Variants in SHCBP1L observed in about 807,000 individuals in gnomAD.
SHCBP1L encodes the protein SHC binding and spindle associated 1 like.
In SHCBP1L, 67 loss-of-function variants were observed where a neutral mutation model predicts 62.5. The observed-to-expected ratio is 1.07, with a 90% CI of 0.88 to 1.31. SHCBP1L has a LOEUF of 1.31. Among genes scored for constraint, SHCBP1L ranks in the 40% most tolerant of loss-of-function variants. The pLI is 0.00. For missense variants in SHCBP1L, 823 were observed against 809.8 expected, an observed-to-expected ratio of 1.02 and a Z score of -0.20; for synonymous variants, 284 against 289.4, an observed-to-expected ratio of 0.98 and a Z score of 0.19.
chr1:182,903,010 C>G (rs1270037179), intron 9 of SHCBP1L, 29 bp downstream of exon 9: 1 of 1,523,220 alleles, frequency 6.6e-7, no homozygotes, highest in Non-Finnish European at 8.8e-7. Context: ...ATTCTTATAA[C>G]AATGCTACAT....
chr1:182,899,890 G>T lies in SHCBP1L; in HGVS notation c.*93C>A. 2 of 1,048,726 alleles carry T rather than the reference G, an allele frequency of 1.9e-6. No homozygotes were observed. Among genetic ancestry groups the T allele is most frequent in the Non-Finnish European group, 1.3e-6 (1 of 753,712 alleles). The allele number at this position is 1,048,726 out of a possible 1,614,324, so 65.0% of individuals were successfully genotyped here. ...TGATATTTAAATATTTTTTAATTAA[G>T]CTTTGAATTGAAACTACCATTTCAG... On this transcript the variant is annotated 3_prime_UTR_variant, in exon 10 of 10. Coordinates refer to ENST00000367547, the MANE Select transcript of SHCBP1L (RefSeq NM_030933.4).
Position 182,903,037 on chromosome 1 carries a change from A to C in SHCBP1L, c.1710+2T>G. On this transcript the variant is annotated splice_donor_variant, in intron 9 of 9. Coordinates refer to ENST00000367547, the MANE Select transcript of SHCBP1L (RefSeq NM_030933.4). LOFTEE classifies it high-confidence loss of function. ...ATGCTACATCAAGAAATAAGAGAAT[A>C]CCTTCATATTAACTCCACCTAAGGT... The C allele has an allele frequency of 6.4e-7, 1 of 1,573,320 alleles. No homozygotes were observed. Among genetic ancestry groups the C allele is most frequent in the Non-Finnish European group, 8.6e-7 (1 of 1,161,606 alleles).
intron 2 of SHCBP1L, among the ~76,000 whole-genome samples, chr1:182,947,284 A>G (rs1396082771): frequency 6.6e-6 from 1 of 151,984 alleles, no homozygotes; most frequent in Non-Finnish European, 1.5e-5. Flanking sequence ...TAACACCTAA[A>G]TCTTTTTCTG....
At chr1:182,942,465 G>C in intron 2 of SHCBP1L, 2 of 667,600 alleles carry the variant, frequency 3.0e-6, no homozygotes. Context: ...GAGCCTCCGC[G>C]AAACTGGGCT....
intron 6 of SHCBP1L, among the ~76,000 whole-genome samples, chr1:182,908,235 C>T (rs867003744): frequency 1.1e-4 from 16 of 151,388 alleles, no homozygotes; most frequent in Non-Finnish European, 1.6e-4. Context: ...GCATAGTACC[C>T]GATAGGTAGT....
intron 6 of SHCBP1L, among the ~76,000 whole-genome samples, chr1:182,922,398 C>T (rs1650554376): frequency 6.6e-6 from 1 of 151,660 alleles, no homozygotes; most frequent in Non-Finnish European, 1.5e-5. Context: ...ACTAAAAATA[C>T]AAAAAATTAG....
At chr1:182,930,009 A>G (rs1650906365) in intron 5 of SHCBP1L, among the ~76,000 whole-genome samples, 1 of 152,180 alleles carries the variant, frequency 6.6e-6, no homozygotes. Context: ...AACCCTCTGC[A>G]ACCATTGCCT....
chr1:182,934,264 G>T (rs922949302), intron 5 of SHCBP1L, among the ~76,000 whole-genome samples: 84 of 151,998 alleles, frequency 5.5e-4, no homozygotes, highest in Middle Eastern at 3.2e-3. Flanking sequence ...AGAAACTGCC[G>T]AACAGTGCTC....
chr1:182,916,237 A>G (rs1210596445), intron 6 of SHCBP1L, among the ~76,000 whole-genome samples: 1 of 152,232 alleles, frequency 6.6e-6, no homozygotes, highest in Non-Finnish European at 1.5e-5. Flanking sequence ...CAGAGCTCAG[A>G]GAGAAATTTA....
In SHCBP1L at chr1:182,904,280, A is replaced by G. The variant is rs756957684; in HGVS notation, c.1487T>C (p.Met496Thr). 1.9e-6 allele frequency: 3 copies of G among 1,614,036 alleles called. No homozygotes were observed. Among genetic ancestry groups the G allele is most frequent in the Non-Finnish European group, 1.7e-6 (2 of 1,180,024 alleles). Residue 496 changes from methionine (M) to threonine (T), a missense_variant, in exon 8 of 10, where the codon ATG (methionine) becomes ACG (threonine). By Grantham distance (81) the Met-to-Thr change is moderately conservative. Coordinates refer to ENST00000367547, the MANE Select transcript of SHCBP1L (RefSeq NM_030933.4). ...DGIVVVESGHMTLENCILKCE... is the reference protein window; with the variant it reads ...DGIVVVESGHTTLENCILKCE... ...TTTTAATATGCAGTTTTCTAGAGTC[A>G]TGTGACCAGACTCCACCACCACGAT...
rs1491508466 is a variant in SHCBP1L, at chr1:182,924,975, A to AAAGAAAGAAAG, written c.1182+4671_1182+4672insCTTTCTTTCTT. ...GAAAGAAAGAAAGAAAGAAAGAAAGAAAAAAAAAGGAAGAAGGAAAGGAAG... is the reference window on the plus strand; with the variant it reads ...GAAAGAAAGAAAGAAAGAAAGAAAGAAAGAAAGAAAGAAAAAAAAGGAAGAAGGAAAGGAAG... On this transcript the variant is annotated intron_variant, in intron 6 of 9. Transcript: ENST00000367547. Among the ~76,000 whole-genome samples, 139 of 128,492 alleles carry AAAGAAAGAAAG rather than the reference A, an allele frequency of 1.1e-3. 3 individuals carry two copies. Among genetic ancestry groups the AAAGAAAGAAAG allele is most frequent in the African/African-American group, 2.5e-3 (66 of 26,456 alleles). The allele number at this position is 128,492 out of a possible 152,430, so 84.3% of individuals were successfully genotyped here.
chr1:182,940,812 C>T (rs1466359242), intron 2 of SHCBP1L, among the ~76,000 whole-genome samples: 1 of 151,970 alleles, frequency 6.6e-6, no homozygotes, highest in East Asian at 1.9e-4. Flanking sequence ...AGTTGCCAGA[C>T]TTTGAGATTT....
intron 6 of SHCBP1L, among the ~76,000 whole-genome samples, chr1:182,915,486 T>C (rs1650329151): frequency 1.3e-5 from 2 of 152,194 alleles, no homozygotes. Flanking sequence ...TTTATAATAA[T>C]AGTTGAAGAT....
In SHCBP1L at chr1:182,924,789, A is replaced by G. The variant is rs1201675959; in HGVS notation, c.1182+4858T>C. 4.9e-4 allele frequency among the ~76,000 whole-genome samples: 42 copies of G among 85,134 alleles called. 2 individuals carry two copies. The highest frequency in any genetic ancestry group is 4.2e-3 in the African/African-American group (39 of 9,320). The allele number at this position is 85,134 out of a possible 152,430, so 55.9% of individuals were successfully genotyped here. On this transcript the variant is annotated intron_variant, in intron 6 of 9. Transcript: ENST00000367547. ...GAAAGAAAGAAAGAAAGAAAGAAAG[A>G]GAGAAAGAAAGGAAGGAAGGAAGGA...
chr1:182,940,511 AGAT>A lies in SHCBP1L; in HGVS notation c.585_587del (p.Ser196del), dbSNP rs773003510. On this transcript the variant is annotated inframe_deletion, in exon 3 of 10. Coordinates refer to ENST00000367547, the MANE Select transcript of SHCBP1L (RefSeq NM_030933.4). ...CAACAGAAACAGTAACTTTGAAACG[AGAT>A]GATGAGTCTTGGTATGGTTCACAAG... The A allele has an allele frequency of 4.3e-6, 7 of 1,614,002 alleles. No homozygotes were observed. Among genetic ancestry groups the A allele is most frequent in the Non-Finnish European group, 5.9e-6 (7 of 1,179,934 alleles).
At chr1:182,934,907 G>A (rs1452404393) in intron 5 of SHCBP1L, among the ~76,000 whole-genome samples, 2 of 152,096 alleles carry the variant, frequency 1.3e-5, no homozygotes, top group Non-Finnish European at 2.9e-5. Flanking sequence ...ACCATTTGTT[G>A]AAGAGAATAT....
At chr1:182,942,020 T>C (rs1261126770) in intron 2 of SHCBP1L, 6 of 894,412 alleles carry the variant, frequency 6.7e-6, no homozygotes, top group East Asian at 2.6e-5. Context: ...AAAACTTGCA[T>C]TTACAAAATA....
At chr1:182,936,519 A>C (rs1461525156) in intron 5 of SHCBP1L, among the ~76,000 whole-genome samples, 1 of 152,130 alleles carries the variant, frequency 6.6e-6, no homozygotes, top group East Asian at 1.9e-4. Flanking sequence ...TTTTTTAAAA[A>C]ATTAATATTT....
At chr1:182,902,947 T>C (rs2101917484) in intron 9 of SHCBP1L, 92 bp downstream of exon 9, 1 of 940,734 alleles carries the variant, frequency 1.1e-6, no homozygotes, top group Non-Finnish European at 1.5e-6. Context: ...TGATAATATG[T>C]AGACTGCCTT....
Sources: allele counts gnomAD v4.1 joint callset (sites outside exome capture counted in the v4.1 genomes callset), GRCh38; gene constraint gnomAD v4.1.1; transcripts MANE v1.5; gene names NCBI Gene and HGNC (gene_info 2026-07-23, HGNC 2026-07-21).